ARRB2: variants seen among roughly 807,000 people sequenced by gnomAD.
ARRB2 encodes the protein arrestin beta 2.
Under a neutral mutation model 53.4 loss-of-function variants are expected in ARRB2, and 21 were observed. The observed-to-expected ratio is 0.39, with a 90% CI of 0.28 to 0.57. The LOEUF (loss-of-function observed/expected upper bound fraction) is 0.57. Ranked by LOEUF, ARRB2 falls within the 20% of genes least tolerant of loss-of-function variation. The pLI, the probability that ARRB2 is intolerant of heterozygous loss-of-function variation, is 0.55. For synonymous variants in ARRB2, 180 were observed against 212.9 expected (o/e 0.85, Z 1.34); for missense variants, 369 against 527.5 (o/e 0.70, Z 2.94).
intron 3 of ARRB2, 31 bp downstream of exon 3, chr17:4,716,064 C>T (rs747566100): frequency 6.2e-7 from 1 of 1,614,158 alleles, no homozygotes; most frequent in East Asian, 2.2e-5. Flanking sequence ...ACAGCTCGTT[C>T]CCCAAGAGGG....
intron 5 of ARRB2, 23 bp downstream of exon 5, chr17:4,716,631 A>G: frequency 1.9e-6 from 3 of 1,546,046 alleles, no homozygotes; most frequent in Non-Finnish European, 2.6e-6. Context: ...CTGCCCTCTG[A>G]GGGCCAGGGG....
intron 11 of ARRB2, among the ~76,000 whole-genome samples, chr17:4,720,002 G>A (rs148544703): frequency 9.8e-5 from 15 of 152,318 alleles, no homozygotes; most frequent in African/African-American, 2.4e-4. Context: ...GGCTGTTAGC[G>A]GAGAAGGACG....
Position 4,720,424 on chromosome 17 carries a change from A to G in ARRB2, c.1033A>G (p.Met345Val), listed in dbSNP as rs1281427817. 1 of 1,612,642 alleles carries G rather than the reference A, an allele frequency of 6.2e-7. No individual in the cohort carries two copies. Residue 345 changes from methionine to valine, a missense_variant, in exon 13 of 15, where the codon ATG (methionine) becomes GTG (valine). Physicochemically the swap from Met to Val is conservative, Grantham distance 21. Coordinates refer to ENST00000269260, the MANE Select transcript of ARRB2 (RefSeq NM_004313.4). The part of the protein sequence containing the change: ...DVSVELPFVL[M>V]HPKPHDHIPL... ...CTCTGTGGAGCTGCCTTTTGTTCTT[A>G]TGCACCCCAAGCCCCACGACCACAT...
rs1230716713 is a variant in ARRB2 at position 4,717,737 on chromosome 17, A to G, written c.470A>G (p.Glu157Gly). The G allele has an allele frequency of 1.2e-6, 2 of 1,612,984 alleles. No individual in the cohort carries two copies. The highest frequency in any genetic ancestry group is 1.7e-6 in the Non-Finnish European group (2 of 1,179,546). ...GCCTTCTGTGCTAAATCACTAGAAG[A>G]GAAAAGCCACAAAAGGTAAGGGAAG... The part of the protein sequence containing the change: ...IRAFCAKSLE[E>G]KSHKRNSVRL... The change falls in exon 7 of 15, where the codon GAG (glutamate) becomes GGG (glycine). Residue 157 changes from glutamate to glycine, a missense_variant. Coordinates refer to ENST00000269260, the MANE Select transcript of ARRB2 (RefSeq NM_004313.4). This position sits in a 1 kb window ranked among gnomAD's most constrained non-coding sequence, Gnocchi z 6.0.
In ARRB2 at chr17:4,715,683, GGTT is replaced by G. The variant is rs1239061115; in HGVS notation, c.55-288_55-286del. ...TACATGTTCACACACACACCTGACT[GGTT>G]GGCTGAGGACACACACACACACACA... On this transcript the variant is annotated intron_variant, in intron 2 of 14. Transcript: ENST00000269260. 3 of 367,720 alleles carry G rather than the reference GGTT, an allele frequency of 8.2e-6. No homozygotes were observed. In the African/African-American group the frequency reaches 8.7e-5, roughly 11 times the overall value. The allele number at this position is 367,720 out of a possible 1,614,324, so 22.8% of individuals were successfully genotyped here. A position where few individuals can be genotyped will look rare whatever the true frequency, so the allele number is the denominator to read the frequency against.
At chr17:4,714,830 G>A (rs534721700) in intron 1 of ARRB2, 183 bp from the exon 2 acceptor site, 15 of 440,630 alleles carry the variant, frequency 3.4e-5, no homozygotes, top group African/African-American at 2.4e-4. Flanking sequence ...TTGCCACCAC[G>A]TTAGAAATAG....
intron 2 of ARRB2, 51 bp downstream of exon 2, chr17:4,715,094 GC>G: frequency 6.3e-7 from 1 of 1,582,724 alleles, no homozygotes. Context: ...CCCCAACAAA[GC>G]CCAGCCTTCC....
intron 8 of ARRB2, 42 bp from the exon 9 acceptor site, chr17:4,718,219 T>G: frequency 1.3e-6 from 2 of 1,579,922 alleles, no homozygotes; most frequent in Non-Finnish European, 1.7e-6. Flanking sequence ...ATGGGAACAG[T>G]GAAAACCAGT....
At position 4,717,470 on chromosome 17, in the gene ARRB2, C is replaced by T. The variant is rs897082448; in HGVS notation, c.417+194C>T. 1.2e-6 allele frequency: 1 copy of T among 865,546 alleles called. No homozygotes were observed. Among genetic ancestry groups the T allele is most frequent in the East Asian group, 2.6e-5 (1 of 38,292 alleles). 53.6% of individuals were successfully genotyped at this position (865,546 alleles called of 1,614,324 possible). ...GACACTGCCTCCTGCTCTGTGGACC[C>T]GCATGGATCTGGGGATGGGGGCTCC... is the stretch of plus-strand genomic sequence containing the variant. On this transcript the variant is annotated intron_variant, in intron 6 of 14. Coordinates refer to ENST00000269260, the MANE Select transcript of ARRB2 (RefSeq NM_004313.4). This position sits in a 1 kb window ranked among gnomAD's most constrained non-coding sequence, Gnocchi z 6.0.
At chr17:4,710,931 C>T (rs372275880) in intron 1 of ARRB2, among the ~76,000 whole-genome samples, 187 bp downstream of exon 1, 7 of 152,022 alleles carry the variant, frequency 4.6e-5, no homozygotes, top group African/African-American at 1.7e-4. Context: ...TGCCCGGGCC[C>T]CTGCAGAAAG....
rs371532220 is a variant in ARRB2 at position 4,718,031 on chromosome 17, G to A, written c.621+8G>A. 214 of 1,612,572 alleles carry A rather than the reference G, an allele frequency of 1.3e-4. No individual in the cohort carries two copies. Among genetic ancestry groups the A allele is most frequent in the Non-Finnish European group, 1.7e-4 (196 of 1,180,000 alleles). ...GCTTCCCTGGACAAGGAGGTGGGGCGTGAGAGGGTGACACGGATGCCACGG... is the reference window on the plus strand; with the variant it reads ...GCTTCCCTGGACAAGGAGGTGGGGCATGAGAGGGTGACACGGATGCCACGG... On this transcript the variant is annotated splice_region_variant and intron_variant, in intron 8 of 14. Transcript: ENST00000269260.
intron 5 of ARRB2, 27 bp downstream of exon 5, chr17:4,716,635 C>A: frequency 6.5e-7 from 1 of 1,544,768 alleles, no homozygotes; most frequent in Non-Finnish European, 8.7e-7. Flanking sequence ...CCTCTGAGGG[C>A]CAGGGGGCTG....
chr17:4,712,646 T>G (rs1914528732), intron 1 of ARRB2, among the ~76,000 whole-genome samples: 1 of 152,200 alleles, frequency 6.6e-6, no homozygotes, highest in South Asian at 2.1e-4. Context: ...AAGGTGGTGC[T>G]TCAAAGAACA....
rs763562729 is a variant in ARRB2 at position 4,716,407 on chromosome 17, G to C, written c.161-5G>C. ...CTGACCACTCATCTCACCCTCCCTT[G>C]CCAGTGTTTGTGACCCTCACCTGCG... On this transcript the variant is annotated splice_polypyrimidine_tract_variant and splice_region_variant and intron_variant, in intron 4 of 14. Coordinates refer to ENST00000269260, the MANE Select transcript of ARRB2 (RefSeq NM_004313.4). 15 of 1,614,182 alleles carry C rather than the reference G, an allele frequency of 9.3e-6. No individual in the cohort carries two copies. Among genetic ancestry groups the C allele is most frequent in the Non-Finnish European group, 1.1e-5 (13 of 1,180,012 alleles).
At chr17:4,719,639 T>TG (rs1221681900) in intron 11 of ARRB2, among the ~76,000 whole-genome samples, 1 of 151,186 alleles carries the variant, frequency 6.6e-6, no homozygotes, top group Non-Finnish European at 1.5e-5. Context: ...AAGGAAGGGA[T>TG]GGGGGGCAGT....
At chr17:4,713,355 G>A (rs148895382) in intron 1 of ARRB2, among the ~76,000 whole-genome samples, 1,660 of 152,102 alleles carry the variant, frequency 0.011, 32 homozygotes, top group African/African-American at 0.036. Context: ...ATTAGCGGCC[G>A]GGCGTGGTGG....
intron 2 of ARRB2, chr17:4,715,587 G>C: frequency 4.8e-6 from 1 of 207,398 alleles, no homozygotes; most frequent in Non-Finnish European, 8.9e-6. Flanking sequence ...ACACACACAC[G>C]GACACACACA....
intron 1 of ARRB2, among the ~76,000 whole-genome samples, chr17:4,714,262 A>G (rs1463467126): frequency 6.6e-6 from 1 of 152,228 alleles, no homozygotes; most frequent in African/African-American, 2.4e-5. Flanking sequence ...GCCTTAAAAG[A>G]CAAATAGGCT....
chr17:4,717,970 C>A lies in ARRB2; in HGVS notation c.568C>A (p.His190Asn). ...GPQPSAETTR[H>N]FLMSDRSLHL... ...CCAGCCTTCAGCCGAAACCACACGCCACTTCCTCATGTCTGACCGGTCCCT... is the reference window on the plus strand; with the variant it reads ...CCAGCCTTCAGCCGAAACCACACGCAACTTCCTCATGTCTGACCGGTCCCT... Residue 190 changes from histidine to asparagine, a missense_variant, in exon 8 of 15, where the codon CAC (histidine) becomes AAC (asparagine). Coordinates refer to ENST00000269260, the MANE Select transcript of ARRB2 (RefSeq NM_004313.4). The surrounding 1 kb of genome is among the most constrained non-coding windows in gnomAD (Gnocchi z 6.0). 6.2e-7 allele frequency: 1 copy of A among 1,613,774 alleles called. No individual in the cohort carries two copies. Among genetic ancestry groups the A allele is most frequent in the Non-Finnish European group, 8.5e-7 (1 of 1,180,024 alleles).
Sources: allele counts gnomAD v4.1 joint callset (sites outside exome capture counted in the v4.1 genomes callset), GRCh38; gene constraint gnomAD v4.1.1; non-coding constraint Gnocchi (gnomAD v3.1); transcripts MANE v1.5; gene names NCBI Gene and HGNC (gene_info 2026-07-23, HGNC 2026-07-21).